The following AVEN variants were observed in gnomAD, a reference collection of about 807,000 sequenced individuals.
The protein encoded by AVEN is cell death regulator Aven.
In AVEN, 41 loss-of-function variants were observed where a neutral mutation model predicts 38.1. The ratio of observed to expected loss-of-function variants is 1.08; its 90% confidence interval spans 0.84 to 1.40. The LOEUF is 1.40. AVEN is among the 40% of genes most tolerant of loss of function. AVEN has a pLI of 0.00. For missense variants in AVEN, 605 were observed against 438.8 expected, an observed-to-expected ratio of 1.38 and a Z score of -3.38; for synonymous variants, 206 against 171.8, an observed-to-expected ratio of 1.20 and a Z score of -1.56.
intron 2 of AVEN, among the ~76,000 whole-genome samples, chr15:33,882,955 G>C (rs1035279174): frequency 6.6e-6 from 1 of 152,138 alleles, no homozygotes; most frequent in African/African-American, 2.4e-5. Flanking sequence ...TCTTACACAT[G>C]CTTCTGAAAA....
upstream of AVEN, among the ~76,000 whole-genome samples, chr15:34,039,694 G>C (rs968611452): frequency 6.6e-6 from 1 of 152,198 alleles, no homozygotes; most frequent in Non-Finnish European, 1.5e-5. Flanking sequence ...GGGCGTCAAA[G>C]TCCTCAGCAG....
intron 2 of AVEN, among the ~76,000 whole-genome samples, chr15:33,958,590 C>CA (rs72424138): frequency 0.23 from 32,351 of 141,196 alleles, 4,469 homozygotes; most frequent in African/African-American, 0.4. Context: ...GACCCTATCT[C>CA]AAGAAAAAAA....
chr15:34,004,496 A>C (rs557259637), intron 1 of AVEN, among the ~76,000 whole-genome samples: 1 of 152,344 alleles, frequency 6.6e-6, no homozygotes, highest in Non-Finnish European at 1.5e-5. Context: ...AATAATGACT[A>C]TGAGACAACT....
intron 2 of AVEN, among the ~76,000 whole-genome samples, chr15:33,980,947 A>T (rs768845229): frequency 6.6e-6 from 1 of 152,228 alleles, no homozygotes; most frequent in Non-Finnish European, 1.5e-5. Context: ...AAAAAGATTA[A>T]CATAGGATTC....
chr15:33,919,906 C>A (rs1893325418), intron 2 of AVEN, among the ~76,000 whole-genome samples: 2 of 152,140 alleles, frequency 1.3e-5, no homozygotes, highest in South Asian at 4.1e-4. Flanking sequence ...TACACACAAG[C>A]CTCTGTTTCC....
At chr15:33,974,739 G>A (rs781444254) in intron 2 of AVEN, among the ~76,000 whole-genome samples, 3 of 152,200 alleles carry the variant, frequency 2.0e-5, no homozygotes, top group Non-Finnish European at 4.4e-5. Flanking sequence ...TTGGGAGGCC[G>A]AGGCAGGTGG....
At chr15:33,899,310 A>AC (rs1210677252) in intron 2 of AVEN, among the ~76,000 whole-genome samples, 2 of 152,158 alleles carry the variant, frequency 1.3e-5, no homozygotes, top group Non-Finnish European at 2.9e-5. Context: ...TGATCCAGCT[A>AC]CCATATGGTA....
At chr15:33,881,307 A>T (rs1891476466) in intron 2 of AVEN, among the ~76,000 whole-genome samples, 1 of 152,082 alleles carries the variant, frequency 6.6e-6, no homozygotes, top group African/African-American at 2.4e-5. Flanking sequence ...ACTGGTCTCA[A>T]ACTCCTGGCC....
At chr15:34,027,819 G>A (rs1385534016) in intron 1 of AVEN, among the ~76,000 whole-genome samples, 2 of 81,732 alleles carry the variant, frequency 2.4e-5, no homozygotes, top group Non-Finnish European at 5.9e-5. Context: ...AGGATCAGGT[G>A]AGGCTCAAAA....
chr15:33,866,000 G>C (rs1890392246), downstream of AVEN: 1 of 152,922 alleles, frequency 6.5e-6, no homozygotes, highest in African/African-American at 2.4e-5. Flanking sequence ...CCAAAATGGA[G>C]TAATGCTTTA....
At chr15:33,960,782 C>T (rs1895132076) in intron 2 of AVEN, among the ~76,000 whole-genome samples, 2 of 152,120 alleles carry the variant, frequency 1.3e-5, no homozygotes, top group South Asian at 2.1e-4. Context: ...CCTTGATATG[C>T]TTGTCTTCCG....
intron 2 of AVEN, chr15:33,972,113 G>GATA (rs1895662996): frequency 6.6e-6 from 1 of 152,074 alleles, no homozygotes; most frequent in Admixed American, 6.6e-5. Context: ...AACTATTAAA[G>GATA]ATAAAAGTAC....
At chr15:34,074,368 T>C (rs1439010440) in intron 1 of AVEN, among the ~76,000 whole-genome samples, 1 of 152,094 alleles carries the variant, frequency 6.6e-6, no homozygotes, top group Non-Finnish European at 1.5e-5. Flanking sequence ...AGAATAACTG[T>C]GTTAGTTTCC....
intron 3 of AVEN, among the ~76,000 whole-genome samples, chr15:33,872,266 G>C (rs1220852431): frequency 6.6e-6 from 1 of 152,214 alleles, no homozygotes; most frequent in Non-Finnish European, 1.5e-5. Context: ...CAAGCCTGAA[G>C]CTTCCTCTCT....
At chr15:33,983,144 GTGTGTGTGTGTGTGTA>G (rs1349308396) in intron 2 of AVEN, among the ~76,000 whole-genome samples, 5 of 118,182 alleles carry the variant, frequency 4.2e-5, no homozygotes, top group Admixed American at 4.0e-4. Context: ...GTGTGTGTGT[GTGTGTGTGTGTGTGTA>G]TGTGTGTGTG....
chr15:33,859,685 T>C (rs1480748746), intron 11 of AVEN: 2 of 1,613,652 alleles, frequency 1.2e-6, no homozygotes, highest in Non-Finnish European at 8.5e-7. Flanking sequence ...TCTTTGACAT[T>C]ACCTTTTTCT....
intron 2 of AVEN, among the ~76,000 whole-genome samples, chr15:33,891,038 G>A (rs114167302): frequency 0.031 from 4,659 of 150,586 alleles, 230 homozygotes; most frequent in African/African-American, 0.11. Context: ...GAGGCCAGGG[G>A]GCGAAGGTTG....
intron 2 of AVEN, among the ~76,000 whole-genome samples, chr15:33,966,654 A>AAAGAT (rs1274429420): frequency 1.9e-4 from 1 of 5,260 alleles, no homozygotes; most frequent in Non-Finnish European, 5.5e-4. Flanking sequence ...AGCCAATTTG[A>AAAGAT]AAGATGAGAT....
intron 5 of AVEN, among the ~76,000 whole-genome samples, chr15:34,049,154 A>G (rs1157665610): frequency 6.6e-6 from 1 of 152,240 alleles, no homozygotes; most frequent in Non-Finnish European, 1.5e-5. Flanking sequence ...CTCTGCCTCC[A>G]AATGACTGCA....
Sources: gnomAD v4.1 joint callset for allele counts (sites outside exome capture counted in the v4.1 genomes callset) on GRCh38, gnomAD v4.1.1 for gene constraint, MANE v1.5 for transcripts, NCBI Gene and HGNC (gene_info 2026-07-23, HGNC 2026-07-21) for gene names.